ATP8A2: variants seen among roughly 807,000 people sequenced by gnomAD.
ATP8A2 encodes phospholipid-transporting ATPase IB.
In ATP8A2, 100 loss-of-function variants were observed where a neutral mutation model predicts 165.6. The observed-to-expected ratio is 0.60, with a 90% CI of 0.51 to 0.71. The LOEUF is 0.71. ATP8A2 is among the 30% of genes least tolerant of loss of function. The probability of loss-of-function intolerance (pLI) is 0.00; values close to 1 mark genes in which losing one functional copy is unlikely to be tolerated. For missense variants in ATP8A2, 1,227 were observed against 1,479.5 expected (o/e 0.83, Z 2.80); for synonymous variants, 543 against 548.8 (o/e 0.99, Z 0.15).
intron 1 of ATP8A2, 159 bp from the exon 2 acceptor site, chr13:25,468,818 C>T (rs1237968851): frequency 1.0e-6 from 1 of 983,812 alleles, no homozygotes; most frequent in East Asian, 1.1e-4. Flanking sequence ...GCACAGGCGG[C>T]GGCGTCTCCA....
chr13:25,683,966 A>G (rs139304819), intron 24 of ATP8A2, among the ~76,000 whole-genome samples: 31 of 152,358 alleles, frequency 2.0e-4, no homozygotes, highest in African/African-American at 6.7e-4. Context: ...AGAATCAAAT[A>G]GTAAAGGAGA....
intron 33 of ATP8A2, among the ~76,000 whole-genome samples, chr13:25,881,708 G>A (rs1952984879): frequency 6.6e-6 from 1 of 152,122 alleles, no homozygotes; most frequent in Non-Finnish European, 1.5e-5. Context: ...TAGGGACATT[G>A]CTTGCTCTAT....
In ATP8A2 at chr13:25,758,625, C is replaced by T. The variant is rs555287528; in HGVS notation, c.2385-10421C>T. On this transcript the variant is annotated intron_variant, in intron 25 of 36. Coordinates refer to ENST00000381655, the MANE Select transcript of ATP8A2 (RefSeq NM_016529.6). ...GGCTCATGTCCTCTCTATAGGCAGG[C>T]CCCCATGTACCTATATTCATCCACC... 1.3e-3 allele frequency among the ~76,000 whole-genome samples: 196 copies of T among 152,252 alleles called. 2 individuals are homozygous for T. Among genetic ancestry groups the T allele is most frequent in the African/African-American group, 4.5e-3 (186 of 41,552 alleles).
chr13:25,394,345 T>C (rs184676968), intron 1 of ATP8A2, among the ~76,000 whole-genome samples: 1 of 152,376 alleles, frequency 6.6e-6, no homozygotes, highest in Non-Finnish European at 1.5e-5. Context: ...TTGCTCAGGA[T>C]AATTCATTAA....
intron 2 of ATP8A2, among the ~76,000 whole-genome samples, chr13:25,476,242 T>TA (rs1352377961): frequency 6.6e-6 from 1 of 152,080 alleles, no homozygotes; most frequent in Non-Finnish European, 1.5e-5. Context: ...ACAAGCTGCT[T>TA]ACAATTTAGC....
At chr13:25,943,329 C>A (rs1319544590) in intron 33 of ATP8A2, among the ~76,000 whole-genome samples, 2 of 152,108 alleles carry the variant, frequency 1.3e-5, no homozygotes, top group African/African-American at 4.8e-5. Context: ...CACGATGTAA[C>A]AACGTTTCAG....
chr13:25,428,014 T>C (rs1317281857), intron 1 of ATP8A2, among the ~76,000 whole-genome samples: 2 of 151,902 alleles, frequency 1.3e-5, no homozygotes, highest in African/African-American at 4.8e-5. Flanking sequence ...CAAAACCCCA[T>C]CTCTACAAAA....
intron 2 of ATP8A2, among the ~76,000 whole-genome samples, chr13:25,512,361 T>C (rs1169614983): frequency 1.3e-5 from 2 of 151,958 alleles, no homozygotes; most frequent in African/African-American, 2.4e-5. Flanking sequence ...AAAACCGCCA[T>C]TGTCATCATG....
intron 27 of ATP8A2, 152 bp downstream of exon 27, chr13:25,775,111 G>A: frequency 3.6e-6 from 2 of 563,232 alleles, no homozygotes; most frequent in Non-Finnish European, 6.2e-6. Context: ...GTAAGCTCCT[G>A]TGAAGCTGGG....
chr13:25,567,014 A>T (rs4283085), intron 16 of ATP8A2: 168,027 of 251,128 alleles, frequency 0.67, 58,429 homozygotes, highest in African/African-American at 0.72. Context: ...ATTTGCACTG[A>T]CATAAAGGTG....
chr13:25,920,122 A>T (rs306415), intron 33 of ATP8A2, among the ~76,000 whole-genome samples: 84,993 of 151,920 alleles, frequency 0.56, 25,223 homozygotes, highest in Non-Finnish European at 0.66. Flanking sequence ...TTTGGTTCTT[A>T]AAAACCCTTC....
At chr13:25,450,135 T>C (rs2035173337) in intron 1 of ATP8A2, among the ~76,000 whole-genome samples, 2 of 152,244 alleles carry the variant, frequency 1.3e-5, no homozygotes, top group Admixed American at 1.3e-4. Context: ...GCTCTATCCA[T>C]GTTCCTGCAA....
rs114037816 is a variant in ATP8A2, at chr13:25,869,559, T to A, written c.3183+7151T>A. ...CTGTAATATCCATACTTGCGTTATT[T>A]CTGAGCTTGTTTTTCAGGTATATGA... On this transcript the variant is annotated intron_variant, in intron 33 of 36. Coordinates refer to ENST00000381655, the MANE Select transcript of ATP8A2 (RefSeq NM_016529.6). 2.1e-3 allele frequency among the ~76,000 whole-genome samples: 315 copies of A among 152,364 alleles called. 2 individuals are homozygous for A. The highest frequency in any genetic ancestry group is 7.1e-3 in the African/African-American group (295 of 41,590).
intron 25 of ATP8A2, among the ~76,000 whole-genome samples, chr13:25,739,002 G>C (rs1169021520): frequency 2.0e-5 from 3 of 152,252 alleles, no homozygotes. Context: ...TTGTTGATGA[G>C]TGTGGGTGGG....
intron 1 of ATP8A2, among the ~76,000 whole-genome samples, chr13:25,382,988 TTCGTG>T (rs1478525346): frequency 6.7e-6 from 1 of 150,000 alleles, no homozygotes; most frequent in Non-Finnish European, 1.5e-5. Context: ...ATCTCCTGAC[TTCGTG>T]ATCTGCCCAC....
intron 23 of ATP8A2, among the ~76,000 whole-genome samples, chr13:25,585,006 G>C (rs2039881980): frequency 6.6e-6 from 1 of 151,952 alleles, no homozygotes; most frequent in African/African-American, 2.4e-5. Flanking sequence ...CTATCTCGTA[G>C]TTTGAGAATT....
chr13:25,605,048 G>A (rs1304120743), intron 24 of ATP8A2, among the ~76,000 whole-genome samples: 1 of 152,164 alleles, frequency 6.6e-6, no homozygotes, highest in East Asian at 1.9e-4. Flanking sequence ...AATGTTGAAT[G>A]TCAACAGCGA....
At chr13:25,506,763 A>G (rs1416008642) in intron 2 of ATP8A2, among the ~76,000 whole-genome samples, 2 of 151,936 alleles carry the variant, frequency 1.3e-5, no homozygotes, top group African/African-American at 2.4e-5. Flanking sequence ...CCTGAAGGTT[A>G]TTTTATACAA....
chr13:25,773,426 C>T (rs927439603), intron 26 of ATP8A2, among the ~76,000 whole-genome samples: 12 of 152,130 alleles, frequency 7.9e-5, no homozygotes, highest in Admixed American at 3.9e-4. Context: ...CTTTATGAAA[C>T]GGCACACAGA....
Sources: allele counts gnomAD v4.1 joint callset (sites outside exome capture counted in the v4.1 genomes callset), GRCh38; gene constraint gnomAD v4.1.1; transcripts MANE v1.5; gene names NCBI Gene and HGNC (gene_info 2026-07-23, HGNC 2026-07-21).